PRMT8: variants seen among roughly 807,000 people sequenced by gnomAD.
PRMT8 encodes the protein protein arginine methyltransferase 8.
A neutral mutation model predicts 47.1 loss-of-function variants in PRMT8; 7 were observed. That is an observed-to-expected ratio of 0.15 (90% confidence interval 0.08 to 0.28). PRMT8 has a LOEUF of 0.28. PRMT8 is among the 10% of genes least tolerant of loss of function. The pLI is 1.00. For missense variants in PRMT8, 237 were observed against 505.4 expected (o/e 0.47, Z 5.09); for synonymous variants, 188 against 186.5 (o/e 1.01, Z -0.07).
intron 1 of PRMT8, among the ~76,000 whole-genome samples, chr12:3,405,663 A>C (rs181683934): frequency 6.6e-6 from 1 of 152,228 alleles, no homozygotes; most frequent in Non-Finnish European, 1.5e-5. Context: ...TCCAAAATCC[A>C]GTAGGGCAGT....
In PRMT8 at chr12:3,553,863, G is replaced by A. The variant is rs901915932; in HGVS notation, c.481+149G>A. On this transcript the variant is annotated intron_variant, in intron 4 of 9. Coordinates refer to ENST00000382622, the MANE Select transcript of PRMT8 (RefSeq NM_019854.5). Reference sequence around the variant, plus strand: ...TGAGGCCCCCGCCAGCAAGACTGCGGCCATGGGTACTGATGTTCCCCCCGA... The same window carrying A: ...TGAGGCCCCCGCCAGCAAGACTGCGACCATGGGTACTGATGTTCCCCCCGA... The A allele has an allele frequency of 1.4e-5, 10 of 730,678 alleles. No homozygotes were observed. The African/African-American group carries it at 1.4e-4, about 10-fold the overall frequency. 45.3% of individuals were successfully genotyped at this position (730,678 alleles called of 1,614,324 possible). A position where few individuals can be genotyped will look rare whatever the true frequency, so the allele number is the denominator to read the frequency against.
intron 1 of PRMT8, among the ~76,000 whole-genome samples, chr12:3,522,291 C>G (rs1040049577): frequency 6.6e-6 from 1 of 152,142 alleles, no homozygotes; most frequent in Non-Finnish European, 1.5e-5. Context: ...GTTAAAAGGA[C>G]TTCTAACTCA....
At chr12:3,432,224 C>T (rs959851509) in intron 1 of PRMT8, among the ~76,000 whole-genome samples, 1 of 152,158 alleles carries the variant, frequency 6.6e-6, no homozygotes, top group African/African-American at 2.4e-5. Flanking sequence ...CTGCCCACAG[C>T]AGGCCTCACT....
chr12:3,588,459 T>C (rs1379675013), intron 8 of PRMT8, among the ~76,000 whole-genome samples: 1 of 152,132 alleles, frequency 6.6e-6, no homozygotes, highest in Non-Finnish European at 1.5e-5. Flanking sequence ...TACCCTCAGC[T>C]CCCTGTGTTC....
At chr12:3,415,881 G>A (rs980531657) in intron 1 of PRMT8, among the ~76,000 whole-genome samples, 2 of 152,336 alleles carry the variant, frequency 1.3e-5, no homozygotes, top group South Asian at 2.1e-4. Flanking sequence ...TGCTCTTTCC[G>A]GAGGAGCTTG....
intron 1 of PRMT8, among the ~76,000 whole-genome samples, chr12:3,533,829 T>C (rs1353754609): frequency 6.6e-6 from 1 of 152,272 alleles, no homozygotes; most frequent in East Asian, 1.9e-4. Context: ...TGCTGCTGCC[T>C]GACATTTCAC....
intron 1 of PRMT8, among the ~76,000 whole-genome samples, chr12:3,461,421 C>T (rs1865039728): frequency 6.6e-6 from 1 of 152,144 alleles, no homozygotes; most frequent in Non-Finnish European, 1.5e-5. Context: ...GTGTGATGTC[C>T]CTCTCCCTGC....
chr12:3,499,215 C>T (rs61677672), intron 1 of PRMT8, among the ~76,000 whole-genome samples: 11,646 of 99,570 alleles, frequency 0.12, 688 homozygotes, highest in African/African-American at 0.22. Flanking sequence ...TTTTATTATA[C>T]TCTAAGTTTT....
intron 1 of PRMT8, among the ~76,000 whole-genome samples, chr12:3,384,140 C>T (rs1281742675): frequency 1.4e-4 from 22 of 152,126 alleles, no homozygotes; most frequent in Admixed American, 1.4e-3. Context: ...ATAGTCTTGC[C>T]TTCCTTCTGA....
chr12:3,448,164 T>C (rs1010502043), intron 1 of PRMT8, among the ~76,000 whole-genome samples: 1 of 152,180 alleles, frequency 6.6e-6, no homozygotes, highest in East Asian at 1.9e-4. Context: ...GCCTGACTGA[T>C]TTTTTCTTTT....
chr12:3,540,935 A>C, intron 2 of PRMT8, 144 bp downstream of exon 2: 14 of 1,000,596 alleles, frequency 1.4e-5, no homozygotes, highest in Non-Finnish European at 1.9e-5. Context: ...CCTTTCTCCA[A>C]TCCGGGGGGC....
chr12:3,587,220 T>C (rs1430798155), intron 8 of PRMT8, among the ~76,000 whole-genome samples: 1 of 148,480 alleles, frequency 6.7e-6, no homozygotes, highest in Non-Finnish European at 1.5e-5. Flanking sequence ...TGAATATCCA[T>C]GAACTCACCA....
Position 3,540,681 on chromosome 12 carries a change from A to C in PRMT8, c.151A>C (p.Thr51Pro). 1.4e-6 allele frequency: 2 copies of C among 1,451,666 alleles called. No individual in the cohort carries two copies. The highest frequency in any genetic ancestry group is 1.8e-6 in the Non-Finnish European group (2 of 1,089,952). 89.9% of individuals were successfully genotyped at this position (1,451,666 alleles called of 1,614,324 possible). ...KPVQCVHHVS[T>P]QPSCPGRGKM... ...CGTGCAATGCGTCCATCATGTGTCC[A>C]CTCAACCCAGCTGCCCAGGACGGGG... The change falls in exon 2 of 10, where the codon ACT (threonine) becomes CCT (proline). Residue 51 changes from threonine to proline, a missense_variant. Physicochemically the swap from Thr to Pro is conservative, Grantham distance 38. Coordinates refer to ENST00000382622, the MANE Select transcript of PRMT8 (RefSeq NM_019854.5).
chr12:3,424,181 A>G (rs1756458669), intron 1 of PRMT8, among the ~76,000 whole-genome samples: 3 of 152,134 alleles, frequency 2.0e-5, no homozygotes, highest in Non-Finnish European at 4.4e-5. Context: ...CTTCTCCTCA[A>G]ACTAAGATAT....
At chr12:3,429,514 A>G (rs905950302) in intron 1 of PRMT8, among the ~76,000 whole-genome samples, 3 of 152,364 alleles carry the variant, frequency 2.0e-5, no homozygotes, top group Admixed American at 6.5e-5. Flanking sequence ...ACACTTTTAC[A>G]GTTTATACCA....
In PRMT8 at chr12:3,572,853, T is replaced by G. The variant is rs1384061089; in HGVS notation, c.712+3289T>G. Among the ~76,000 whole-genome samples the G allele has an allele frequency of 6.6e-6, 1 of 152,238 alleles. No homozygotes were observed. The highest frequency in any genetic ancestry group is 1.5e-5 in the Non-Finnish European group (1 of 68,040). On this transcript the variant is annotated intron_variant, in intron 6 of 9. Transcript: ENST00000382622. This position sits in a 1 kb window ranked among gnomAD's most constrained non-coding sequence, Gnocchi z 5.9. Reference sequence around the variant, plus strand: ...GAGGGAGGATGTAGCTACAGCTCTCTGCAATCAGAAATCACATTTCTCCCC... The same window carrying G: ...GAGGGAGGATGTAGCTACAGCTCTCGGCAATCAGAAATCACATTTCTCCCC...
At chr12:3,540,110 C>A (rs1318101891) in intron 1 of PRMT8, among the ~76,000 whole-genome samples, 1 of 152,052 alleles carries the variant, frequency 6.6e-6, no homozygotes, top group Non-Finnish European at 1.5e-5. Context: ...GAGGCAGGGA[C>A]CATTTTATTC....
intron 1 of PRMT8, among the ~76,000 whole-genome samples, chr12:3,459,751 C>G (rs1021838158): frequency 6.6e-6 from 1 of 152,116 alleles, no homozygotes. Context: ...ATGGAAGACG[C>G]TGGAGCCTTC....
Position 3,388,442 on chromosome 12 carries a change from C to A in PRMT8, c.48+7000C>A, listed in dbSNP as rs893143427. On this transcript the variant is annotated intron_variant, in intron 1 of 9. Transcript: ENST00000452611. ...CAGTGTTTGCCAGGTTTCTACATTG[C>A]GGAAGTACCATTTTCCTTTGTAATT... Among the ~76,000 whole-genome samples, 5 of 152,154 alleles carry A rather than the reference C, an allele frequency of 3.3e-5. No homozygotes were observed. The South Asian group carries it at 8.3e-4, about 25-fold the overall frequency.
Sources: gnomAD v4.1 joint callset for allele counts (sites outside exome capture counted in the v4.1 genomes callset) on GRCh38, gnomAD v4.1.1 for gene constraint, Gnocchi (gnomAD v3.1) non-coding constraint, MANE v1.5 for transcripts, NCBI Gene and HGNC (gene_info 2026-07-23, HGNC 2026-07-21) for gene names.